SEMA6D: variants seen among roughly 807,000 people sequenced by gnomAD.
SEMA6D encodes semaphorin 6D, also known as semaphorin-6D.
SEMA6D carries 35 observed loss-of-function variants against 106.6 expected under a neutral mutation model. The ratio of observed to expected loss-of-function variants is 0.33; its 90% confidence interval spans 0.25 to 0.44. The LOEUF (loss-of-function observed/expected upper bound fraction) is 0.44. SEMA6D is among the 20% of genes least tolerant of loss of function. The pLI is 1.00. For missense variants in SEMA6D, 1,185 were observed against 1,345.9 expected, an observed-to-expected ratio of 0.88 and a Z score of 1.87; for synonymous variants, 499 against 487.7, an observed-to-expected ratio of 1.02 and a Z score of -0.31.
chr15:47,333,631 G>A (rs1401659899), intron 1 of SEMA6D, among the ~76,000 whole-genome samples: 1 of 152,174 alleles, frequency 6.6e-6, no homozygotes, highest in Non-Finnish European at 1.5e-5. Context: ...AGTCAGCAAA[G>A]ATTGATTTAG....
At chr15:47,314,600 A>AAAAAAAAAAAAAAG (rs2036575028) in intron 1 of SEMA6D, among the ~76,000 whole-genome samples, 1 of 138,500 alleles carries the variant, frequency 7.2e-6, no homozygotes, top group Non-Finnish European at 1.6e-5. Flanking sequence ...TCCATCTCAA[A>AAAAAAAAAAAAAAG]AAAAAAAAAA....
chr15:47,327,031 G>A (rs569267576), intron 1 of SEMA6D, among the ~76,000 whole-genome samples: 1 of 152,304 alleles, frequency 6.6e-6, no homozygotes, highest in East Asian at 1.9e-4. Context: ...AGGTGAGACT[G>A]TGCATCTTGG....
In SEMA6D at chr15:47,757,137, A is replaced by G. The variant is rs77741014; in HGVS notation, c.-54-2608A>G. Among the ~76,000 whole-genome samples the G allele has an allele frequency of 7.9e-3, 1,206 of 151,738 alleles. 59 individuals are homozygous for G. In the East Asian group the frequency reaches 0.14, roughly 18 times the overall value. Reference sequence around the variant, plus strand: ...AGTGCTGGGATCACAGCTGAGAGACACTCTTCCTGGTGAGGGCTCCTCCCC... The same window carrying G: ...AGTGCTGGGATCACAGCTGAGAGACGCTCTTCCTGGTGAGGGCTCCTCCCC... On this transcript the variant is annotated intron_variant, in intron 1 of 18. Transcript: ENST00000536845.
intron 3 of SEMA6D, among the ~76,000 whole-genome samples, chr15:47,519,807 G>A: frequency 6.6e-6 from 1 of 152,162 alleles, no homozygotes; most frequent in Non-Finnish European, 1.5e-5. Flanking sequence ...CCTTCCTCTT[G>A]GGGAAGTGGC....
At chr15:47,458,493 C>G (rs1712344326) in intron 2 of SEMA6D, among the ~76,000 whole-genome samples, 1 of 151,730 alleles carries the variant, frequency 6.6e-6, no homozygotes, top group Non-Finnish European at 1.5e-5. Context: ...AAAAAGAATT[C>G]AAAATATGCA....
chr15:47,244,216 G>A (rs1042489409), intron 1 of SEMA6D, among the ~76,000 whole-genome samples: 1 of 152,100 alleles, frequency 6.6e-6, no homozygotes, highest in Non-Finnish European at 1.5e-5. Flanking sequence ...TCACAGCATG[G>A]GGGAGTATGA....
intron 1 of SEMA6D, among the ~76,000 whole-genome samples, chr15:47,365,716 C>T (rs1326134058): frequency 6.6e-6 from 1 of 151,898 alleles, no homozygotes; most frequent in African/African-American, 2.4e-5. Context: ...GAAAAATTAG[C>T]CGGGCATGGT....
chr15:47,510,774 G>A (rs2044202426), intron 3 of SEMA6D, among the ~76,000 whole-genome samples: 2 of 152,112 alleles, frequency 1.3e-5, no homozygotes, highest in Admixed American at 1.3e-4. Flanking sequence ...TGGAGGGCAG[G>A]GAGTGTCAGT....
chr15:47,635,981 A>G (rs1365338452), intron 4 of SEMA6D, among the ~76,000 whole-genome samples: 2 of 151,100 alleles, frequency 1.3e-5, no homozygotes, highest in African/African-American at 4.9e-5. Flanking sequence ...AAAAAATTTT[A>G]CCGAAGAGAA....
At chr15:47,688,889 CTG>C (rs1297283529) in intron 4 of SEMA6D, among the ~76,000 whole-genome samples, 3 of 152,146 alleles carry the variant, frequency 2.0e-5, no homozygotes, top group African/African-American at 2.4e-5. Flanking sequence ...GATGAAAGGA[CTG>C]TTTAAAAAAT....
chr15:47,532,186 AT>A (rs2142075008), intron 3 of SEMA6D, among the ~76,000 whole-genome samples: 1 of 152,318 alleles, frequency 6.6e-6, no homozygotes, highest in Admixed American at 6.5e-5. Flanking sequence ...TTCTCTGAAA[AT>A]TAGCCTGTCT....
chr15:47,382,627 A>G (rs1034864001), intron 1 of SEMA6D, among the ~76,000 whole-genome samples: 1 of 152,256 alleles, frequency 6.6e-6, no homozygotes, highest in Non-Finnish European at 1.5e-5. Flanking sequence ...GCTGCTCAAT[A>G]TAGGTAGAAT....
At chr15:47,442,695 G>T (rs1470201820) in intron 2 of SEMA6D, among the ~76,000 whole-genome samples, 1 of 152,096 alleles carries the variant, frequency 6.6e-6, no homozygotes, top group African/African-American at 2.4e-5. Flanking sequence ...CCATATTACT[G>T]TTATTTGCTC....
At chr15:47,184,882 A>G (rs1893444519) in intron 1 of SEMA6D, among the ~76,000 whole-genome samples, 5 of 152,050 alleles carry the variant, frequency 3.3e-5, no homozygotes, top group Admixed American at 3.3e-4. Flanking sequence ...CGCTTTTTTT[A>G]TTTTCTTTTT....
intron 4 of SEMA6D, among the ~76,000 whole-genome samples, chr15:47,618,780 A>T (rs373378065): frequency 6.6e-6 from 1 of 152,232 alleles, no homozygotes; most frequent in African/African-American, 2.4e-5. Flanking sequence ...CATAGGTAAC[A>T]TTGAACATGT....
chr15:47,234,313 T>C, intron 1 of SEMA6D, among the ~76,000 whole-genome samples: 1 of 152,026 alleles, frequency 6.6e-6, no homozygotes, highest in East Asian at 1.9e-4. Flanking sequence ...GTAAATGTTA[T>C]ACATACATAT....
At chr15:47,362,451 C>T (rs925940191) in intron 1 of SEMA6D, among the ~76,000 whole-genome samples, 8 of 152,228 alleles carry the variant, frequency 5.3e-5, no homozygotes, top group Admixed American at 6.5e-5. Context: ...AGAGGTGCCC[C>T]GGGTTCTCCG....
intron 4 of SEMA6D, among the ~76,000 whole-genome samples, chr15:47,636,286 G>A (rs767264253): frequency 1.3e-5 from 2 of 152,192 alleles, no homozygotes; most frequent in Non-Finnish European, 2.9e-5. Flanking sequence ...TCTGAATTGA[G>A]AGCAGGTTTT....
At chr15:47,229,092 C>T (rs757372625) in intron 1 of SEMA6D, among the ~76,000 whole-genome samples, 3 of 151,976 alleles carry the variant, frequency 2.0e-5, no homozygotes, top group Non-Finnish European at 4.4e-5. Flanking sequence ...AGAGACTAGA[C>T]TTTGGTCTAC....
Sources: gnomAD v4.1 joint callset for allele counts (sites outside exome capture counted in the v4.1 genomes callset) on GRCh38, gnomAD v4.1.1 for gene constraint, MANE v1.5 for transcripts, NCBI Gene and HGNC (gene_info 2026-07-23, HGNC 2026-07-21) for gene names.